Variants in LRCH1 observed in about 807,000 individuals in gnomAD.
LRCH1 encodes leucine-rich repeat and calponin homology domain-containing protein 1.
LRCH1 carries 23 observed loss-of-function variants against 94.9 expected under a neutral mutation model. The ratio of observed to expected loss-of-function variants is 0.24; its 90% confidence interval spans 0.17 to 0.34. The LOEUF is 0.34. Ranked by LOEUF, LRCH1 falls within the 10% of genes least tolerant of loss-of-function variation. LRCH1 has a pLI of 1.00. For synonymous variants in LRCH1, 364 were observed against 354.9 expected, an observed-to-expected ratio of 1.03 and a Z score of -0.29; for missense variants, 790 against 945.9, an observed-to-expected ratio of 0.84 and a Z score of 2.16.
chr13:46,636,133 G>C (rs540668636), intron 1 of LRCH1, among the ~76,000 whole-genome samples: 1 of 122,594 alleles, frequency 8.2e-6, no homozygotes, highest in Non-Finnish European at 1.6e-5. Flanking sequence ...GCAATGGCAC[G>C]ATCTCGGCTC....
chr13:46,704,377 A>C (rs1416144658), intron 11 of LRCH1, among the ~76,000 whole-genome samples: 4 of 152,058 alleles, frequency 2.6e-5, no homozygotes, highest in South Asian at 4.1e-4. Flanking sequence ...CCTTTTATGC[A>C]TCAGAAAATT....
intron 1 of LRCH1, among the ~76,000 whole-genome samples, chr13:46,640,460 A>C (rs2051144593): frequency 6.6e-6 from 1 of 152,216 alleles, no homozygotes; most frequent in African/African-American, 2.4e-5. Context: ...AAGCTGTCTG[A>C]CATGAGGACC....
At position 46,744,294 on chromosome 13, in the gene LRCH1, C is replaced by T. The variant is rs748668084; in HGVS notation, c.*2446C>T. On this transcript the variant is annotated 3_prime_UTR_variant, in exon 20 of 20. Coordinates refer to ENST00000389797, the MANE Select transcript of LRCH1 (RefSeq NM_001164211.2). Reference sequence around the variant, plus strand: ...CAAATCTCCTCCTCACAAGAAAGACCGTTTTTTCAGTACTCCCTTCCAATG... The same window carrying T: ...CAAATCTCCTCCTCACAAGAAAGACTGTTTTTTCAGTACTCCCTTCCAATG... 38 of 977,150 alleles carry T rather than the reference C, an allele frequency of 3.9e-5. No individual in the cohort carries two copies. The highest frequency in any genetic ancestry group is 4.5e-5 in the Non-Finnish European group (37 of 829,734). The allele number at this position is 977,150 out of a possible 1,614,324, so 60.5% of individuals were successfully genotyped here. A position where few individuals can be genotyped will look rare whatever the true frequency, so the allele number is the denominator to read the frequency against.
intron 1 of LRCH1, among the ~76,000 whole-genome samples, chr13:46,643,633 C>G (rs534230476): frequency 1.1e-3 from 174 of 152,268 alleles, no homozygotes; most frequent in African/African-American, 4.1e-3. Flanking sequence ...ATGGTGTGCT[C>G]TCAAAGACAC....
intron 18 of LRCH1, among the ~76,000 whole-genome samples, chr13:46,729,544 CT>C (rs1264928652): frequency 2.2e-4 from 24 of 109,492 alleles, no homozygotes; most frequent in African/African-American, 8.6e-4. Context: ...GAGTGAGACC[CT>C]GTCTCAAAAA....
intron 13 of LRCH1, among the ~76,000 whole-genome samples, chr13:46,709,526 C>G (rs1010257125): frequency 2.0e-5 from 3 of 152,170 alleles, no homozygotes; most frequent in African/African-American, 7.2e-5. Context: ...GTCCAACCTT[C>G]CTTAGCACCT....
Position 46,553,526 on chromosome 13 carries a change from G to C in LRCH1, c.130G>C (p.Gly44Arg). 6.5e-7 allele frequency: 1 copy of C among 1,546,408 alleles called. No homozygotes were observed. The highest frequency in any genetic ancestry group is 8.7e-7 in the Non-Finnish European group (1 of 1,144,696). ...QHHGGTGAPGGAGGGGGGSGG... is the reference protein window; with the variant it reads ...QHHGGTGAPGRAGGGGGGSGG... Reference sequence around the variant, plus strand: ...CCACGGAGGAACCGGCGCCCCCGGCGGGGCGGGTGGTGGCGGCGGTGGCAG... The same window carrying C: ...CCACGGAGGAACCGGCGCCCCCGGCCGGGCGGGTGGTGGCGGCGGTGGCAG... The change falls in exon 1 of 20, where the codon GGG becomes CGG. Residue 44 changes from glycine (G) to arginine (R), a missense_variant. Gly to Arg is a moderately radical substitution (Grantham distance 125, BLOSUM62 -2). Coordinates refer to ENST00000389797, the MANE Select transcript of LRCH1 (RefSeq NM_001164211.2).
rs564584597 is a variant in LRCH1, at chr13:46,577,721, C to G, written c.307+24018C>G. ...GTTGCAACAGTTTATCACTAGTGAG[C>G]TGCTTCTTGGTAACTATAAGACATA... On this transcript the variant is annotated intron_variant, in intron 1 of 19. Transcript: ENST00000389797. Among the ~76,000 whole-genome samples the G allele has an allele frequency of 4.7e-4, 72 of 152,298 alleles. 1 individual carries two copies. The highest frequency in any genetic ancestry group is 1.6e-3 in the African/African-American group (68 of 41,554).
chr13:46,710,004 A>G (rs986323249), intron 13 of LRCH1, among the ~76,000 whole-genome samples: 5 of 152,230 alleles, frequency 3.3e-5, no homozygotes, highest in Non-Finnish European at 7.3e-5. Flanking sequence ...TCAAGCAGAA[A>G]GTAACATCTT....
At chr13:46,568,724 C>G (rs542593346) in intron 1 of LRCH1, among the ~76,000 whole-genome samples, 1 of 152,164 alleles carries the variant, frequency 6.6e-6, no homozygotes, top group South Asian at 2.1e-4. Flanking sequence ...AGGTGATCAC[C>G]TGGGAAGGGG....
At chr13:46,703,497 CAT>C (rs1032291202) in intron 11 of LRCH1, among the ~76,000 whole-genome samples, 6 of 152,164 alleles carry the variant, frequency 3.9e-5, no homozygotes, top group African/African-American at 1.4e-4. Flanking sequence ...AGTCTAGAAA[CAT>C]ATAAAACTTC....
At chr13:46,595,547 CT>C (rs1226647477) in intron 1 of LRCH1, among the ~76,000 whole-genome samples, 1 of 152,238 alleles carries the variant, frequency 6.6e-6, no homozygotes, top group Non-Finnish European at 1.5e-5. Flanking sequence ...CTGTTCCCCC[CT>C]GAGCATATCC....
At chr13:46,677,442 A>T (rs2051693103) in intron 3 of LRCH1, among the ~76,000 whole-genome samples, 1 of 152,126 alleles carries the variant, frequency 6.6e-6, no homozygotes, top group South Asian at 2.1e-4. Context: ...AACAAAACAA[A>T]ACAAAAAAAA....
chr13:46,599,683 A>G (rs1054312828), intron 1 of LRCH1, among the ~76,000 whole-genome samples: 1 of 152,246 alleles, frequency 6.6e-6, no homozygotes, highest in African/African-American at 2.4e-5. Flanking sequence ...TATTTCAGAA[A>G]TATTTGCATT....
chr13:46,713,488 G>C (rs981351920), intron 15 of LRCH1, among the ~76,000 whole-genome samples: 2 of 152,224 alleles, frequency 1.3e-5, no homozygotes, highest in Admixed American at 6.5e-5. Flanking sequence ...GAAAAACAAA[G>C]ATGATTCTTT....
At chr13:46,607,332 G>A (rs1425340765) in intron 1 of LRCH1, among the ~76,000 whole-genome samples, 1 of 152,216 alleles carries the variant, frequency 6.6e-6, no homozygotes, top group Non-Finnish European at 1.5e-5. Flanking sequence ...AAACCTGTTG[G>A]AAGGGGTCTC....
intron 1 of LRCH1, among the ~76,000 whole-genome samples, chr13:46,589,509 G>C (rs1416893988): frequency 6.6e-6 from 1 of 150,522 alleles, no homozygotes; most frequent in Non-Finnish European, 1.5e-5. Context: ...CCTAAATTCA[G>C]ATACACAGTG....
chr13:46,564,500 G>T (rs1378163331), intron 1 of LRCH1, among the ~76,000 whole-genome samples: 1 of 152,148 alleles, frequency 6.6e-6, no homozygotes, highest in Non-Finnish European at 1.5e-5. Flanking sequence ...TCCGGCCAGG[G>T]GTCGGAGGTT....
At chr13:46,651,434 C>T (rs139615856) in intron 2 of LRCH1, among the ~76,000 whole-genome samples, 1,808 of 152,090 alleles carry the variant, frequency 0.012, 43 homozygotes, top group African/African-American at 0.041. Context: ...GAGGCCGAGG[C>T]GGAGGGATCG....
Sources: gnomAD v4.1 joint callset for allele counts (sites outside exome capture counted in the v4.1 genomes callset) on GRCh38, gnomAD v4.1.1 for gene constraint, MANE v1.5 for transcripts, NCBI Gene and HGNC (gene_info 2026-07-23, HGNC 2026-07-21) for gene names.